Variants in RDH10 observed in about 807,000 individuals in gnomAD.
The protein encoded by RDH10 is retinol dehydrogenase 10.
RDH10 carries 12 observed loss-of-function variants against 30.2 expected under a neutral mutation model. The observed-to-expected ratio is 0.40, with a 90% CI of 0.25 to 0.64. The LOEUF is 0.64. Ranked by LOEUF, RDH10 falls within the 30% of genes least tolerant of loss-of-function variation. The pLI is 0.43. For missense variants in RDH10, 268 were observed against 445.2 expected, an observed-to-expected ratio of 0.60 and a Z score of 3.58; for synonymous variants, 189 against 172.2, an observed-to-expected ratio of 1.10 and a Z score of -0.76.
Position 73,323,076 on chromosome 8 carries a change from A to C in RDH10, c.*40A>C, listed in dbSNP as rs750927588. On this transcript the variant is annotated 3_prime_UTR_variant, in exon 6 of 6. Transcript: ENST00000240285. ...GGAATATTACTTCTATCAGAAGATG[A>C]TCAAGATGTTTCAGTCCAGTGCACA... 2 of 1,539,110 alleles carry C rather than the reference A, an allele frequency of 1.3e-6. No individual in the cohort carries two copies. Among genetic ancestry groups the C allele is most frequent in the Admixed American group, 3.3e-5 (2 of 59,832 alleles).
intron 2 of RDH10, among the ~76,000 whole-genome samples, chr8:73,317,151 A>T (rs995719462): frequency 6.6e-6 from 1 of 152,222 alleles, no homozygotes; most frequent in African/African-American, 2.4e-5. Flanking sequence ...AAATCAAAGC[A>T]CTATAAAACA....
intron 2 of RDH10, among the ~76,000 whole-genome samples, chr8:73,317,097 C>A (rs1814683314): frequency 6.6e-6 from 1 of 152,160 alleles, no homozygotes; most frequent in African/African-American, 2.4e-5. Flanking sequence ...CTGGGTCTTC[C>A]AGCTTAGTCT....
intron 1 of RDH10, among the ~76,000 whole-genome samples, chr8:73,296,660 C>G (rs1040166915): frequency 3.3e-5 from 5 of 152,286 alleles, no homozygotes; most frequent in African/African-American, 1.2e-4. Flanking sequence ...TTAGAACAAG[C>G]CAGTGATCCC....
At chr8:73,315,564 A>G (rs749519007) in intron 2 of RDH10, 7 of 455,450 alleles carry the variant, frequency 1.5e-5, no homozygotes, top group South Asian at 1.1e-4. Flanking sequence ...TCTGTCACCT[A>G]CCTTGATGTG....
Position 73,323,061 on chromosome 8 carries a change from T to C in RDH10, c.*25T>C. ...AGAATCTTTTTGTATGGAATATTAC[T>C]TCTATCAGAAGATGATCAAGATGTT... On this transcript the variant is annotated 3_prime_UTR_variant, in exon 6 of 6. Transcript: ENST00000240285. 6.3e-7 allele frequency: 1 copy of C among 1,581,788 alleles called. No homozygotes were observed. Among genetic ancestry groups the C allele is most frequent in the East Asian group, 2.2e-5 (1 of 44,626 alleles).
chr8:73,295,676 G>T (rs1814249099), intron 1 of RDH10, 98 bp downstream of exon 1: 3 of 1,231,512 alleles, frequency 2.4e-6, no homozygotes, highest in Non-Finnish European at 2.2e-6. Context: ...GGTCAGCCCC[G>T]CTGTGGAGGA....
chr8:73,316,386 T>C (rs1261608246), intron 2 of RDH10, among the ~76,000 whole-genome samples: 1 of 152,238 alleles, frequency 6.6e-6, no homozygotes, highest in Non-Finnish European at 1.5e-5. Context: ...TTCTGTGATA[T>C]AATACCCATG....
At chr8:73,297,497 C>A in intron 2 of RDH10, 68 bp downstream of exon 2, 1 of 1,176,126 alleles carries the variant, frequency 8.5e-7, no homozygotes, top group Non-Finnish European at 1.3e-6. Context: ...AGGGGAGAGA[C>A]TTCAGTGCCA....
chr8:73,299,536 G>C (rs980451148), intron 2 of RDH10, among the ~76,000 whole-genome samples: 1 of 152,208 alleles, frequency 6.6e-6, no homozygotes, highest in African/African-American at 2.4e-5. Flanking sequence ...ATTTAAGTCA[G>C]CCCTAAACAG....
chr8:73,323,166 A>C lies in RDH10; in HGVS notation c.*130A>C. The C allele has an allele frequency of 1.3e-6, 1 of 781,332 alleles. No homozygotes were observed. The highest frequency in any genetic ancestry group is 2.0e-6 in the Non-Finnish European group (1 of 494,500). The allele number at this position is 781,332 out of a possible 1,614,324, so 48.4% of individuals were successfully genotyped here. A position where few individuals can be genotyped will look rare whatever the true frequency, so the allele number is the denominator to read the frequency against. ...GTTTCTTTTTTAAATCAACTTTTTA[A>C]AAAAATAAAGTGTAAATTAACCGAC... On this transcript the variant is annotated 3_prime_UTR_variant, in exon 6 of 6. Transcript: ENST00000240285.
chr8:73,306,491 A>G lies in RDH10; in HGVS notation c.525+9062A>G, dbSNP rs555751701. Among the ~76,000 whole-genome samples the G allele has an allele frequency of 6.0e-4, 92 of 152,318 alleles. 3 individuals are homozygous for G. The Middle Eastern group carries it at 0.024, about 39-fold the overall frequency. ...AAATGAAGTGAGCCACAGGGGGAAA[A>G]AATGAATATCCTCTTATAATCTTCA... On this transcript the variant is annotated intron_variant, in intron 2 of 5. Coordinates refer to ENST00000240285, the MANE Select transcript of RDH10 (RefSeq NM_172037.5).
chr8:73,320,475 GTTTTTTTT>G lies in RDH10; in HGVS notation c.625-451_625-444del, dbSNP rs55892941. ...TGTTTTTGTTTTTGTTTTTGTTTTT[GTTTTTTTT>G]TTTTTGAGACAGAGTCTCACTCTGT... On this transcript the variant is annotated intron_variant, in intron 3 of 5. Transcript: ENST00000240285. Among the ~76,000 whole-genome samples, 335 of 137,480 alleles carry G rather than the reference GTTTTTTTT, an allele frequency of 2.4e-3. 3 individuals are homozygous for G. The highest frequency in any genetic ancestry group is 8.6e-3 in the African/African-American group (324 of 37,734). 90.2% of individuals were successfully genotyped at this position (137,480 alleles called of 152,430 possible).
At chr8:73,302,685 CAAAA>C (rs977175253) in intron 2 of RDH10, among the ~76,000 whole-genome samples, 13 of 151,834 alleles carry the variant, frequency 8.6e-5, no homozygotes, top group Admixed American at 7.9e-4. Context: ...GACTCTGTCT[CAAAA>C]AAAGGAAAAG....
At chr8:73,320,475 G>GTTTTTT (rs55892941) in intron 3 of RDH10, among the ~76,000 whole-genome samples, 5 of 137,412 alleles carry the variant, frequency 3.6e-5, no homozygotes, top group African/African-American at 5.3e-5. Flanking sequence ...TTTTGTTTTT[G>GTTTTTT]TTTTTTTTTT....
intron 2 of RDH10, among the ~76,000 whole-genome samples, chr8:73,301,465 T>G (rs1192698710): frequency 1.3e-5 from 2 of 151,816 alleles, no homozygotes; most frequent in African/African-American, 4.8e-5. Flanking sequence ...TTTTAAAAGG[T>G]AAGCATTATG....
intron 2 of RDH10, among the ~76,000 whole-genome samples, chr8:73,301,039 A>C (rs967191707): frequency 1.0e-5 from 1 of 98,796 alleles, no homozygotes; most frequent in Non-Finnish European, 2.1e-5. Flanking sequence ...ACAAAACTCT[A>C]TTCTTTTTTT....
At chr8:73,315,074 A>AT (rs1814635171) in intron 2 of RDH10, among the ~76,000 whole-genome samples, 3 of 151,624 alleles carry the variant, frequency 2.0e-5, no homozygotes, top group African/African-American at 7.3e-5. Context: ...GTTGGAAAAG[A>AT]TTTTTTTCAC....
At chr8:73,311,128 G>T (rs1311475766) in intron 2 of RDH10, 3 of 152,050 alleles carry the variant, frequency 2.0e-5, no homozygotes, top group Non-Finnish European at 4.4e-5. Flanking sequence ...GGTAGGAATT[G>T]GAAAAATAAT....
intron 2 of RDH10, among the ~76,000 whole-genome samples, chr8:73,310,236 A>G (rs948512294): frequency 6.6e-6 from 1 of 152,194 alleles, no homozygotes. Flanking sequence ...TACCTCATAG[A>G]CCCTCATATG....
Sources: gnomAD v4.1 joint callset for allele counts (sites outside exome capture counted in the v4.1 genomes callset) on GRCh38, gnomAD v4.1.1 for gene constraint, MANE v1.5 for transcripts, NCBI Gene and HGNC (gene_info 2026-07-23, HGNC 2026-07-21) for gene names.